Variants in CTNND2 observed in about 807,000 individuals in gnomAD.
CTNND2 encodes catenin delta 2, also known as catenin delta-2.
CTNND2 carries 22 observed loss-of-function variants against 144.4 expected under a neutral mutation model. The observed-to-expected ratio is 0.15, with a 90% CI of 0.11 to 0.22. CTNND2 has a LOEUF of 0.22. CTNND2 is among the 10% of genes least tolerant of loss of function. The pLI is 1.00. For missense variants in CTNND2, 1,353 were observed against 1,618.8 expected, an observed-to-expected ratio of 0.84 and a Z score of 2.82; for synonymous variants, 751 against 695.6, an observed-to-expected ratio of 1.08 and a Z score of -1.25.
intron 3 of CTNND2, among the ~76,000 whole-genome samples, chr5:11,428,780 C>T (rs544720296): frequency 6.6e-6 from 1 of 152,270 alleles, no homozygotes; most frequent in African/African-American, 2.4e-5. Context: ...ATTCAACTTT[C>T]ATCATAAAGC....
intron 2 of CTNND2, among the ~76,000 whole-genome samples, chr5:11,731,926 C>T (rs952589437): frequency 1.5e-4 from 23 of 152,036 alleles, no homozygotes; most frequent in Non-Finnish European, 7.4e-5. Flanking sequence ...TTTTCTTCCC[C>T]TATAAAATAT....
At chr5:11,394,327 A>C (rs913917874) in intron 6 of CTNND2, among the ~76,000 whole-genome samples, 1 of 152,190 alleles carries the variant, frequency 6.6e-6, no homozygotes, top group African/African-American at 2.4e-5. Context: ...CATGGCATCA[A>C]TTGGCACATG....
intron 1 of CTNND2, among the ~76,000 whole-genome samples, chr5:11,878,918 C>T (rs537931417): frequency 4.9e-4 from 74 of 152,300 alleles, no homozygotes; most frequent in Admixed American, 4.2e-3. Flanking sequence ...AAATTAATAA[C>T]ATTTTTCATT....
intron 16 of CTNND2, among the ~76,000 whole-genome samples, chr5:11,077,808 T>G (rs2149625298): frequency 6.6e-6 from 1 of 151,960 alleles, no homozygotes; most frequent in East Asian, 1.9e-4. Flanking sequence ...TGAAGAGAAG[T>G]GTTAAAGTCT....
At chr5:11,561,231 T>C (rs1441092640) in intron 3 of CTNND2, among the ~76,000 whole-genome samples, 1 of 152,190 alleles carries the variant, frequency 6.6e-6, no homozygotes, top group Non-Finnish European at 1.5e-5. Context: ...AAGCATCATC[T>C]GTATAGTGTT....
At chr5:11,262,942 CG>C (rs1414584878) in intron 9 of CTNND2, among the ~76,000 whole-genome samples, 1 of 151,990 alleles carries the variant, frequency 6.6e-6, no homozygotes, top group African/African-American at 2.4e-5. Flanking sequence ...TGCCGAGAAT[CG>C]TTTAATTTAT....
At chr5:11,614,911 C>T (rs1318572176) in intron 2 of CTNND2, among the ~76,000 whole-genome samples, 1 of 152,130 alleles carries the variant, frequency 6.6e-6, no homozygotes, top group African/African-American at 2.4e-5. Flanking sequence ...TGATAAGGTC[C>T]TTGTGAGAAC....
rs1021011783 is a variant in CTNND2, at chr5:11,159,282, C to T, written c.2159+294G>A. Among the ~76,000 whole-genome samples, 3 of 152,084 alleles carry T rather than the reference C, an allele frequency of 2.0e-5. 1 individual carries two copies. The highest frequency in any genetic ancestry group is 1.3e-4 in the Admixed American group (2 of 15,264). ...TGAAATTACCAAGAACTATTGTTTTCGGCCAAAGAAAATGACTTATTTTGG... is the reference window on the plus strand; with the variant it reads ...TGAAATTACCAAGAACTATTGTTTTTGGCCAAAGAAAATGACTTATTTTGG... On this transcript the variant is annotated intron_variant, in intron 12 of 21. Coordinates refer to ENST00000304623, the MANE Select transcript of CTNND2 (RefSeq NM_001332.4).
At chr5:11,894,028 G>A (rs1049271767) in intron 1 of CTNND2, among the ~76,000 whole-genome samples, 2 of 151,950 alleles carry the variant, frequency 1.3e-5, no homozygotes, top group African/African-American at 2.4e-5. Context: ...TTAGATTTCT[G>A]TAACTTACAC....
chr5:11,443,469 G>T (rs749475254), intron 3 of CTNND2, among the ~76,000 whole-genome samples: 1 of 151,288 alleles, frequency 6.6e-6, no homozygotes, highest in South Asian at 2.1e-4. Flanking sequence ...GTGTGTGTGT[G>T]TGCATACATA....
chr5:11,109,386 T>A (rs1178009920), intron 14 of CTNND2, among the ~76,000 whole-genome samples: 1 of 150,778 alleles, frequency 6.6e-6, no homozygotes, highest in Non-Finnish European at 1.5e-5. Context: ...CTACAGGGAT[T>A]TTTTTTTAAA....
chr5:11,789,134 G>A (rs950216784), intron 1 of CTNND2, among the ~76,000 whole-genome samples: 3 of 152,140 alleles, frequency 2.0e-5, no homozygotes, highest in Admixed American at 2.0e-4. Flanking sequence ...CTGTAAACTA[G>A]TCGACCATCA....
At chr5:11,239,607 T>C (rs1741999974) in intron 9 of CTNND2, among the ~76,000 whole-genome samples, 1 of 152,202 alleles carries the variant, frequency 6.6e-6, no homozygotes, top group East Asian at 1.9e-4. Flanking sequence ...CACCCTACTA[T>C]GGCTCCCACC....
intron 3 of CTNND2, among the ~76,000 whole-genome samples, chr5:11,518,574 C>T (rs1772408576): frequency 2.0e-5 from 3 of 152,232 alleles, no homozygotes; most frequent in Admixed American, 2.0e-4. Flanking sequence ...TCCACAGCGA[C>T]TTCCAGTCCT....
At chr5:11,527,708 A>G (rs377276375) in intron 3 of CTNND2, among the ~76,000 whole-genome samples, 1 of 152,244 alleles carries the variant, frequency 6.6e-6, no homozygotes, top group Non-Finnish European at 1.5e-5. Flanking sequence ...CTGTGTCATT[A>G]TATTTAATAT....
At chr5:11,695,799 C>G (rs1227973937) in intron 2 of CTNND2, among the ~76,000 whole-genome samples, 1 of 152,036 alleles carries the variant, frequency 6.6e-6, no homozygotes, top group Non-Finnish European at 1.5e-5. Flanking sequence ...TTTTATCACA[C>G]TATAAACAGA....
At chr5:11,656,114 T>A (rs1264193808) in intron 2 of CTNND2, among the ~76,000 whole-genome samples, 1 of 152,120 alleles carries the variant, frequency 6.6e-6, no homozygotes, top group Non-Finnish European at 1.5e-5. Context: ...GAACCATAAA[T>A]TGGCATGAGA....
At chr5:11,051,628 T>G (rs1268657051) in intron 16 of CTNND2, among the ~76,000 whole-genome samples, 3 of 152,260 alleles carry the variant, frequency 2.0e-5, no homozygotes, top group Non-Finnish European at 4.4e-5. Flanking sequence ...AGATTTTTCA[T>G]GAGAGTTGAG....
intron 3 of CTNND2, among the ~76,000 whole-genome samples, chr5:11,421,462 C>T (rs961773235): frequency 6.6e-6 from 1 of 152,166 alleles, no homozygotes; most frequent in Admixed American, 6.6e-5. Flanking sequence ...GGGAAACACC[C>T]CACTTTGAGG....
Sources: allele counts gnomAD v4.1 joint callset (sites outside exome capture counted in the v4.1 genomes callset), GRCh38; gene constraint gnomAD v4.1.1; transcripts MANE v1.5; gene names NCBI Gene and HGNC (gene_info 2026-07-23, HGNC 2026-07-21).